PTPRB: variants seen among roughly 807,000 people sequenced by gnomAD.
PTPRB encodes protein tyrosine phosphatase receptor type B.
PTPRB carries 97 observed loss-of-function variants against 238.1 expected under a neutral mutation model. The ratio of observed to expected loss-of-function variants is 0.41; its 90% CI spans 0.35 to 0.48. PTPRB has a LOEUF of 0.48. PTPRB is among the 20% of genes least tolerant of loss of function. The pLI is 0.30. For synonymous variants in PTPRB, 970 were observed against 995.4 expected, an observed-to-expected ratio of 0.97 and a Z score of 0.48; for missense variants, 2,292 against 2,681.9, an observed-to-expected ratio of 0.85 and a Z score of 3.21.
At position 70,534,668 on chromosome 12, in the gene PTPRB, C is replaced by T. The variant is rs190128239; in HGVS notation, c.6205-17G>A. 114 of 1,609,716 alleles carry T rather than the reference C, an allele frequency of 7.1e-5. No homozygotes were observed. The African/African-American group carries it at 1.3e-3, about 19-fold the overall frequency. On this transcript the variant is annotated splice_polypyrimidine_tract_variant and intron_variant, in intron 30 of 33. Transcript: ENST00000334414. ...CTGTTCCTCCTGTAAGAGCAGAGAG[C>T]AGGATAAAAGAGGAACTGTCCAATG...
intron 26 of PTPRB, 72 bp downstream of exon 26, chr12:70,539,553 C>T: frequency 8.2e-7 from 1 of 1,221,222 alleles, no homozygotes; most frequent in South Asian, 1.3e-5. Context: ...CCTATGATGA[C>T]ACAGTAAACA....
chr12:70,612,662 T>C, intron 3 of PTPRB, among the ~76,000 whole-genome samples: 1 of 144,058 alleles, frequency 6.9e-6, no homozygotes, highest in Non-Finnish European at 1.5e-5. Context: ...AACAAGCAGC[T>C]GTCTTAAAAA....
Position 70,560,649 on chromosome 12 carries a change from C to T in PTPRB, c.4432+22G>A. On this transcript the variant is annotated intron_variant, in intron 17 of 33. Transcript: ENST00000334414. This position sits in a 1 kb window ranked among gnomAD's most constrained non-coding sequence, Gnocchi z 4.2. ...AAGCTACTTCCCACCATCCCTTGGC[C>T]ATTGGCACCTGGGCTTCTCACCTGT... 6.2e-7 allele frequency: 1 copy of T among 1,610,570 alleles called. No individual in the cohort carries two copies. The highest frequency in any genetic ancestry group is 8.5e-7 in the Non-Finnish European group (1 of 1,177,630).
At chr12:70,630,187 G>A (rs1221933312) in intron 2 of PTPRB, among the ~76,000 whole-genome samples, 14 of 152,086 alleles carry the variant, frequency 9.2e-5, no homozygotes, top group African/African-American at 2.4e-4. Context: ...CTGGCAAACC[G>A]AATCCAGCAG....
chr12:70,633,529 G>T (rs1238447304), intron 2 of PTPRB, among the ~76,000 whole-genome samples: 1 of 151,716 alleles, frequency 6.6e-6, no homozygotes, highest in Non-Finnish European at 1.5e-5. Context: ...ATATCTGTTA[G>T]CTTATAATTG....
At chr12:70,615,828 A>T (rs1380915621) in intron 3 of PTPRB, among the ~76,000 whole-genome samples, 1 of 152,240 alleles carries the variant, frequency 6.6e-6, no homozygotes, top group Non-Finnish European at 1.5e-5. Flanking sequence ...ATGGCTTATG[A>T]TAACATTGGC....
intron 27 of PTPRB, 84 bp from the exon 28 acceptor site, chr12:70,538,315 C>T: frequency 4.5e-6 from 5 of 1,102,370 alleles, no homozygotes; most frequent in Non-Finnish European, 6.6e-6. Context: ...AGCTCTGATC[C>T]CCACAACAGC....
intron 10 of PTPRB, among the ~76,000 whole-genome samples, chr12:70,580,692 G>A (rs1038445493): frequency 3.9e-5 from 6 of 152,036 alleles, no homozygotes; most frequent in African/African-American, 1.2e-4. Context: ...GGTGGCACAC[G>A]CCTGTAATCC....
intron 33 of PTPRB, 66 bp downstream of exon 33, chr12:70,524,405 A>T: frequency 1.3e-6 from 2 of 1,501,936 alleles, no homozygotes; most frequent in South Asian, 2.6e-5. Flanking sequence ...GTAAGCCTCT[A>T]TGCCTGGCCA....
Position 70,532,188 on chromosome 12 carries a change from G to T in PTPRB, c.6369-18C>A. 6.4e-7 allele frequency: 1 copy of T among 1,554,786 alleles called. No individual in the cohort carries two copies. The highest frequency in any genetic ancestry group is 8.7e-7 in the Non-Finnish European group (1 of 1,153,186). On this transcript the variant is annotated intron_variant, in intron 31 of 33. Coordinates refer to ENST00000334414, the MANE Select transcript of PTPRB (RefSeq NM_001109754.4). ...CACCAGCACTAGAAGAGATGGCAAAGGAAGATTGAGCCTTTTTATTAAATT... is the reference window on the plus strand; with the variant it reads ...CACCAGCACTAGAAGAGATGGCAAATGAAGATTGAGCCTTTTTATTAAATT...
chr12:70,561,239 A>G (rs1878444207), intron 16 of PTPRB, among the ~76,000 whole-genome samples: 1 of 152,160 alleles, frequency 6.6e-6, no homozygotes, highest in African/African-American at 2.4e-5. Context: ...AAAGGCCCAG[A>G]AAATGTATAT....
chr12:70,569,533 G>A (rs1879761861), intron 14 of PTPRB, 142 bp downstream of exon 14: 2 of 959,594 alleles, frequency 2.1e-6, no homozygotes, highest in African/African-American at 1.6e-5. Flanking sequence ...GAATAAATGA[G>A]TAAGGCTCTT....
At chr12:70,529,710 C>T (rs115622563) in intron 32 of PTPRB, among the ~76,000 whole-genome samples, 2,213 of 152,032 alleles carry the variant, frequency 0.015, 56 homozygotes, top group African/African-American at 0.049. Flanking sequence ...GAAATAACAG[C>T]GCTAGGCAGA....
chr12:70,600,618 C>T (rs1425716705), intron 4 of PTPRB, among the ~76,000 whole-genome samples: 3 of 152,106 alleles, frequency 2.0e-5, no homozygotes, highest in Non-Finnish European at 2.9e-5. Context: ...CTTGCCTGTT[C>T]CCTTTTTTCC....
chr12:70,635,387 G>C (rs564816904), intron 2 of PTPRB, among the ~76,000 whole-genome samples: 31 of 152,312 alleles, frequency 2.0e-4, no homozygotes, highest in Non-Finnish European at 3.2e-4. Context: ...GCAGAGAAGA[G>C]AGGCTCATGA....
chr12:70,609,231 T>C lies in PTPRB; in HGVS notation c.817A>G (p.Ser273Gly), dbSNP rs1280185340. Residue 273 changes from serine to glycine, a missense_variant, in exon 4 of 34, where the codon AGC (serine) becomes GGC (glycine). Coordinates refer to ENST00000334414, the MANE Select transcript of PTPRB (RefSeq NM_001109754.4). ...AGGGTGTCACTGCTATAGATGAGGC[T>C]AAAGTTACAGGGTGAGCCCAAAATT... The part of the protein sequence containing the change: ...WRILGSPCNF[S>G]LIYSSDTLGA... 6.2e-7 allele frequency: 1 copy of C among 1,614,052 alleles called. No individual in the cohort carries two copies. The highest frequency in any genetic ancestry group is 1.7e-5 in the Admixed American group (1 of 60,034).
intron 33 of PTPRB, among the ~76,000 whole-genome samples, 198 bp downstream of exon 33, chr12:70,524,273 A>G (rs752664243): frequency 4.5e-4 from 64 of 142,066 alleles, no homozygotes; most frequent in Non-Finnish European, 7.6e-4. Context: ...ATGTCTGGCT[A>G]TTTTTTTTTT....
intron 22 of PTPRB, chr12:70,542,108 T>A (rs943762455): frequency 6.6e-6 from 1 of 152,202 alleles, no homozygotes; most frequent in Admixed American, 6.5e-5. Flanking sequence ...CCTCACTAAC[T>A]CTTGTTACTG....
chr12:70,595,387 G>T (rs901208781), intron 5 of PTPRB, among the ~76,000 whole-genome samples: 1 of 152,024 alleles, frequency 6.6e-6, no homozygotes. Context: ...ACCATGGCAC[G>T]TGTATACCTA....
Sources: gnomAD v4.1 joint callset for allele counts (sites outside exome capture counted in the v4.1 genomes callset) on GRCh38, gnomAD v4.1.1 for gene constraint, Gnocchi (gnomAD v3.1) non-coding constraint, MANE v1.5 for transcripts, NCBI Gene and HGNC (gene_info 2026-07-23, HGNC 2026-07-21) for gene names.